AUTS2: variants seen among roughly 807,000 people sequenced by gnomAD.
AUTS2 encodes the protein autism susceptibility gene 2 protein.
Under a neutral mutation model 112.4 loss-of-function variants are expected in AUTS2, and 17 were observed. The ratio of observed to expected loss-of-function variants is 0.15; its 90% CI spans 0.10 to 0.23. AUTS2 has a LOEUF of 0.23. AUTS2 is among the 10% of genes least tolerant of loss of function. AUTS2 has a pLI of 1.00. For missense variants in AUTS2, 1,510 were observed against 1,701.6 expected, an observed-to-expected ratio of 0.89 and a Z score of 1.98; for synonymous variants, 751 against 702.7, an observed-to-expected ratio of 1.07 and a Z score of -1.09.
intron 2 of AUTS2, among the ~76,000 whole-genome samples, chr7:70,078,679 A>T (rs1211471014): frequency 6.6e-6 from 1 of 152,188 alleles, no homozygotes; most frequent in South Asian, 2.1e-4. Context: ...TTCACTATCA[A>T]TCCCCCCAAC....
At chr7:70,383,095 G>A (rs1793445818) in intron 4 of AUTS2, among the ~76,000 whole-genome samples, 1 of 151,952 alleles carries the variant, frequency 6.6e-6, no homozygotes, top group Admixed American at 6.6e-5. Context: ...GCTATAATTT[G>A]CAGTGGCTGC....
At chr7:70,071,761 G>C (rs1011577702) in intron 2 of AUTS2, among the ~76,000 whole-genome samples, 2 of 152,188 alleles carry the variant, frequency 1.3e-5, no homozygotes, top group African/African-American at 2.4e-5. Flanking sequence ...ATCCCCATCA[G>C]ATGGTTCGAT....
chr7:70,488,806 T>C (rs1798125956), intron 5 of AUTS2, among the ~76,000 whole-genome samples: 5 of 152,158 alleles, frequency 3.3e-5, no homozygotes. Context: ...CTGGAACCAA[T>C]TAACTGAACC....
intron 1 of AUTS2, among the ~76,000 whole-genome samples, chr7:69,680,729 G>A (rs1796753529): frequency 6.6e-6 from 1 of 152,104 alleles, no homozygotes; most frequent in Non-Finnish European, 1.5e-5. Context: ...GAGTGCAGTG[G>A]TATGGTTTCG....
intron 6 of AUTS2, among the ~76,000 whole-genome samples, chr7:70,709,060 G>A (rs1451211417): frequency 1.3e-5 from 2 of 151,728 alleles, no homozygotes; most frequent in Admixed American, 1.3e-4. Context: ...TGGGATTACA[G>A]GTGCCCGCCA....
chr7:70,172,570 C>T (rs1584827986), intron 4 of AUTS2, among the ~76,000 whole-genome samples: 1 of 152,138 alleles, frequency 6.6e-6, no homozygotes, highest in Non-Finnish European at 1.5e-5. Context: ...CAGATAGATT[C>T]TGTAACATTA....
At chr7:70,511,556 A>ATTGTCTTTTTTTTTTTTTTTTTTTT (rs1563005631) in intron 5 of AUTS2, among the ~76,000 whole-genome samples, 1 of 41,766 alleles carries the variant, frequency 2.4e-5, no homozygotes, top group African/African-American at 9.9e-5. Context: ...ACTTTTTTTC[A>ATTGTCTTTTTTTTTTTTTTTTTTTT]TTTTCTTTTT....
At chr7:70,100,448 C>CT (rs1169373482) in intron 2 of AUTS2, among the ~76,000 whole-genome samples, 2 of 150,246 alleles carry the variant, frequency 1.3e-5, no homozygotes, top group Admixed American at 6.6e-5. Context: ...TTTTTAAATA[C>CT]TTTAAGTTCT....
rs1170054190 is a variant in AUTS2 at position 70,679,947 on chromosome 7, G to C, written c.691-18622G>C. Among the ~76,000 whole-genome samples, 3 of 152,178 alleles carry C rather than the reference G, an allele frequency of 2.0e-5. No individual in the cohort carries two copies. In the East Asian group the frequency reaches 5.8e-4, roughly 29 times the overall value. On this transcript the variant is annotated intron_variant, in intron 5 of 18. Transcript: ENST00000342771. Reference sequence around the variant, plus strand: ...CACAAAGCTGACAAATGTGTTTAATGGCCCCGTAGTACCAACTGACAGCGG... The same window carrying C: ...CACAAAGCTGACAAATGTGTTTAATCGCCCCGTAGTACCAACTGACAGCGG...
At chr7:69,984,072 C>T (rs916986278) in intron 2 of AUTS2, among the ~76,000 whole-genome samples, 34 of 152,004 alleles carry the variant, frequency 2.2e-4, no homozygotes, top group Admixed American at 8.5e-4. Flanking sequence ...TTTGACCTAA[C>T]GTTGATTCAG....
At chr7:70,090,635 A>G (rs974941741) in intron 2 of AUTS2, among the ~76,000 whole-genome samples, 1 of 149,540 alleles carries the variant, frequency 6.7e-6, no homozygotes, top group South Asian at 2.1e-4. Context: ...ATGCATTTCT[A>G]TGTAATACCA....
intron 4 of AUTS2, among the ~76,000 whole-genome samples, chr7:70,171,208 A>C (rs559580097): frequency 1.3e-5 from 2 of 152,302 alleles, no homozygotes; most frequent in African/African-American, 4.8e-5. Context: ...ATTGTTCCCA[A>C]ACTGTTGGAT....
chr7:70,722,026 A>T (rs1031422478), intron 6 of AUTS2, among the ~76,000 whole-genome samples: 1 of 152,150 alleles, frequency 6.6e-6, no homozygotes, highest in African/African-American at 2.4e-5. Flanking sequence ...TTTTTTACAA[A>T]ATAGTGAGCT....
At chr7:70,120,173 A>G (rs1429283329) in intron 3 of AUTS2, 2 of 152,186 alleles carry the variant, frequency 1.3e-5, no homozygotes, top group African/African-American at 4.8e-5. Context: ...CCGAGATACA[A>G]TCACATTTCT....
chr7:70,191,161 C>CTTTTT lies in AUTS2; in HGVS notation c.660+56611_660+56615dup, dbSNP rs34637651. Reference sequence around the variant, plus strand: ...GCTTTCAAATGTCATCCACTTATTTCTTTTTTTTTTTTTTTTTTTTTTTTT... The same window carrying CTTTTT: ...GCTTTCAAATGTCATCCACTTATTTCTTTTTTTTTTTTTTTTTTTTTTTTTTTTTT... On this transcript the variant is annotated intron_variant, in intron 4 of 18. Coordinates refer to ENST00000342771, the MANE Select transcript of AUTS2 (RefSeq NM_015570.4). 2.7e-3 allele frequency among the ~76,000 whole-genome samples: 231 copies of CTTTTT among 86,410 alleles called. 1 individual carries two copies. The highest frequency in any genetic ancestry group is 3.1e-3 in the Non-Finnish European group (146 of 47,576). The allele number at this position is 86,410 out of a possible 152,430, so 56.7% of individuals were successfully genotyped here. A position where few individuals can be genotyped will look rare whatever the true frequency, so the allele number is the denominator to read the frequency against.
chr7:70,444,980 A>G (rs753822398), intron 5 of AUTS2, among the ~76,000 whole-genome samples: 55 of 152,286 alleles, frequency 3.6e-4, no homozygotes, highest in Non-Finnish European at 7.1e-4. Flanking sequence ...AAAAACTAAG[A>G]TTAGGGTCAA....
chr7:70,052,673 G>A (rs75900627), intron 2 of AUTS2, among the ~76,000 whole-genome samples: 4,435 of 152,272 alleles, frequency 0.029, 248 homozygotes, highest in African/African-American at 0.1. Flanking sequence ...AGGCAGTGTT[G>A]AAGTGGATAG....
chr7:70,068,655 A>G (rs962155173), intron 2 of AUTS2, among the ~76,000 whole-genome samples: 10 of 152,188 alleles, frequency 6.6e-5, no homozygotes, highest in African/African-American at 1.4e-4. Context: ...TTCGAGTGCA[A>G]TTGATGATAT....
intron 2 of AUTS2, among the ~76,000 whole-genome samples, chr7:70,068,065 T>C (rs917560183): frequency 3.3e-5 from 5 of 151,968 alleles, no homozygotes; most frequent in Admixed American, 2.6e-4. Flanking sequence ...GAATTATGTA[T>C]GGAAAAAGAG....
Sources: allele counts gnomAD v4.1 joint callset (sites outside exome capture counted in the v4.1 genomes callset), GRCh38; gene constraint gnomAD v4.1.1; transcripts MANE v1.5; gene names NCBI Gene and HGNC (gene_info 2026-07-23, HGNC 2026-07-21).